Variants in ZMIZ1 observed in about 807,000 individuals in gnomAD.
ZMIZ1 encodes zinc finger MIZ-type containing 1, also known as zinc finger MIZ domain-containing protein 1.
ZMIZ1 carries 17 observed loss-of-function variants against 113.9 expected under a neutral mutation model. The ratio of observed to expected loss-of-function variants is 0.15; its 90% CI spans 0.10 to 0.22. ZMIZ1 has a LOEUF of 0.22. Among genes scored for constraint, ZMIZ1 ranks in the 10% least tolerant of loss-of-function variants. The pLI is 1.00. For synonymous variants in ZMIZ1, 607 were observed against 603.1 expected (o/e 1.01, Z -0.09); for missense variants, 1,059 against 1,477.8 (o/e 0.72, Z 4.65).
At chr10:79,157,368 GGTGTGTGTGT>G (rs10573955) in intron 3 of ZMIZ1, among the ~76,000 whole-genome samples, 41 of 147,702 alleles carry the variant, frequency 2.8e-4, no homozygotes, top group African/African-American at 6.5e-4. Flanking sequence ...AGGCATAAGG[GGTGTGTGTGT>G]GTGTGTGTGT....
At chr10:79,283,173 CCTT>C (rs1246661884) in intron 8 of ZMIZ1, among the ~76,000 whole-genome samples, 1 of 152,218 alleles carries the variant, frequency 6.6e-6, no homozygotes, top group African/African-American at 2.4e-5. Context: ...GTGCCTTCCT[CCTT>C]CTTATAGGTG....
intron 11 of ZMIZ1, chr10:79,292,939 G>A (rs1853602929): frequency 2.2e-6 from 1 of 464,630 alleles, no homozygotes; most frequent in Non-Finnish European, 4.3e-6. Flanking sequence ...GATGGAGGGT[G>A]TGCCTCCACT....
intron 2 of ZMIZ1, among the ~76,000 whole-genome samples, chr10:79,120,223 TC>T (rs1844228228): frequency 6.6e-6 from 1 of 152,184 alleles, no homozygotes; most frequent in Non-Finnish European, 1.5e-5. Context: ...TACACAGACG[TC>T]GCTTCTGCAT....
intron 8 of ZMIZ1, among the ~76,000 whole-genome samples, chr10:79,279,054 C>T (rs1031452116): frequency 1.5e-4 from 22 of 145,578 alleles, no homozygotes; most frequent in Non-Finnish European, 2.6e-4. Context: ...GGGCGGCGGC[C>T]GGGCGGGGGC....
At position 79,300,804 on chromosome 10, in the gene ZMIZ1, G is replaced by A. The variant is rs146439414; in HGVS notation, c.1881G>A (p.Ser627=). Residue 627 remains serine, a synonymous_variant, in exon 17 of 25, where the codon TCG becomes TCA. Transcript: ENST00000334512. ...DRQMNTNWPA[S]VQVSVNATPL... ...AGATGAACACCAACTGGCCCGCCTC[G>A]GTGCAGGTCAGCGTGAACGCCACGC... 4.6e-5 allele frequency: 75 copies of A among 1,613,872 alleles called. No homozygotes were observed. In the Admixed American group the frequency reaches 7.7e-4, roughly 16 times the overall value.
At chr10:79,249,422 A>G (rs1477674390) in intron 7 of ZMIZ1, among the ~76,000 whole-genome samples, 1 of 152,212 alleles carries the variant, frequency 6.6e-6, no homozygotes, top group Non-Finnish European at 1.5e-5. Flanking sequence ...AGCCCGGAGC[A>G]TGAGGACATG....
intron 9 of ZMIZ1, 122 bp downstream of exon 9, chr10:79,290,011 A>G: frequency 1.0e-6 from 1 of 986,830 alleles, no homozygotes. Context: ...ACCAGCTTCC[A>G]GGGCACACCC....
chr10:79,306,394 C>T (rs1854699842), intron 22 of ZMIZ1, 50 bp downstream of exon 22: 12 of 1,590,354 alleles, frequency 7.5e-6, no homozygotes, highest in Non-Finnish European at 1.0e-5. Flanking sequence ...AGCCCCAAGT[C>T]CCTGCAGAGG....
intron 1 of ZMIZ1, among the ~76,000 whole-genome samples, chr10:79,103,921 A>G (rs1843460772): frequency 1.3e-5 from 2 of 152,118 alleles, no homozygotes; most frequent in South Asian, 4.1e-4. Flanking sequence ...TCATTCAAGC[A>G]CCATTTGCCA....
At chr10:79,201,553 T>C (rs949473016) in intron 4 of ZMIZ1, 31 bp from the exon 5 acceptor site, 2 of 1,540,442 alleles carry the variant, frequency 1.3e-6, no homozygotes, top group Admixed American at 3.4e-5. Context: ...CCTGGCGTGA[T>C]CCAGTGACAA....
chr10:79,273,660 T>A (rs1852081626), intron 7 of ZMIZ1, among the ~76,000 whole-genome samples: 1 of 152,250 alleles, frequency 6.6e-6, no homozygotes, highest in Non-Finnish European at 1.5e-5. Flanking sequence ...GCCCAGCCCC[T>A]GCTTCTTGGT....
At chr10:79,292,693 T>A (rs1853577661) in intron 11 of ZMIZ1, 1 of 484,266 alleles carries the variant, frequency 2.1e-6, no homozygotes, top group Non-Finnish European at 4.0e-6. Flanking sequence ...GGGCTCAATG[T>A]CTAAAAATAG....
At chr10:79,303,352 G>C (rs1417294841) in intron 18 of ZMIZ1, among the ~76,000 whole-genome samples, 1 of 151,512 alleles carries the variant, frequency 6.6e-6, no homozygotes, top group South Asian at 2.1e-4. Context: ...TGCTCAGAAG[G>C]CTGAGGTGGG....
At chr10:79,247,073 C>T (rs1850248816) in intron 7 of ZMIZ1, among the ~76,000 whole-genome samples, 1 of 152,248 alleles carries the variant, frequency 6.6e-6, no homozygotes, top group South Asian at 2.1e-4. Flanking sequence ...GCCCACTCCC[C>T]CAGCAGCAGG....
At chr10:79,210,328 T>C (rs1848482118) in intron 6 of ZMIZ1, among the ~76,000 whole-genome samples, 1 of 152,178 alleles carries the variant, frequency 6.6e-6, no homozygotes, top group Admixed American at 6.5e-5. Flanking sequence ...TCTGCCTCGG[T>C]CCTCTTGTCC....
chr10:79,184,115 G>C (rs1275531768), intron 4 of ZMIZ1, among the ~76,000 whole-genome samples: 1 of 152,198 alleles, frequency 6.6e-6, no homozygotes, highest in African/African-American at 2.4e-5. Context: ...AGGTGGCTCT[G>C]CTCCGTGGCC....
chr10:79,110,793 C>T (rs1224068373), intron 1 of ZMIZ1, among the ~76,000 whole-genome samples: 1 of 152,366 alleles, frequency 6.6e-6, no homozygotes, highest in African/African-American at 2.4e-5. Context: ...CCAAGCACTG[C>T]AGTCTGGGGC....
intron 1 of ZMIZ1, among the ~76,000 whole-genome samples, chr10:79,108,109 T>A (rs1452943622): frequency 6.6e-6 from 1 of 152,188 alleles, no homozygotes; most frequent in Non-Finnish European, 1.5e-5. Context: ...ATTCTGCCAC[T>A]GGGGCACAGG....
At chr10:79,075,469 G>T (rs1482078703) in intron 1 of ZMIZ1, among the ~76,000 whole-genome samples, 7 of 152,196 alleles carry the variant, frequency 4.6e-5, no homozygotes, top group Admixed American at 6.5e-5. Flanking sequence ...GGCTTGGGGG[G>T]CTTCATTTGT....
Sources: gnomAD v4.1 joint callset for allele counts (sites outside exome capture counted in the v4.1 genomes callset) on GRCh38, gnomAD v4.1.1 for gene constraint, MANE v1.5 for transcripts, NCBI Gene and HGNC (gene_info 2026-07-23, HGNC 2026-07-21) for gene names.